Variants in SRGN observed in about 807,000 individuals in gnomAD.
The protein encoded by SRGN is hematopoetic proteoglycan core peptide.
SRGN carries 2 observed loss-of-function variants against 9.5 expected under a neutral mutation model. The observed-to-expected ratio is 0.21, with a 90% CI of 0.09 to 0.66. The LOEUF (loss-of-function observed/expected upper bound fraction) is 0.66. Among genes scored for constraint, SRGN ranks in the 30% least tolerant of loss-of-function variants. The pLI, the probability that SRGN is intolerant of heterozygous loss-of-function variation, is 0.83. For missense variants in SRGN, 170 were observed against 192.4 expected (o/e 0.88, Z 0.69); for synonymous variants, 59 against 72.3 (o/e 0.82, Z 0.93).
chr10:69,095,388 T>G (rs1032988598), intron 1 of SRGN, among the ~76,000 whole-genome samples: 2 of 152,086 alleles, frequency 1.3e-5, no homozygotes, highest in African/African-American at 2.4e-5. Context: ...TATCTGAATG[T>G]TTTCCATTAT....
chr10:69,088,560 A>C (rs2132150614), intron 1 of SRGN, among the ~76,000 whole-genome samples: 1 of 152,316 alleles, frequency 6.6e-6, no homozygotes, highest in East Asian at 1.9e-4. Context: ...TGCATGGAGG[A>C]GATGGCACCT....
At chr10:69,097,006 A>C in intron 1 of SRGN, 78 bp from the exon 2 acceptor site, 1 of 1,489,010 alleles carries the variant, frequency 6.7e-7, no homozygotes, top group Non-Finnish European at 9.0e-7. Context: ...AAAAAAAATA[A>C]AAATAAAAAC....
chr10:69,090,049 A>G lies in SRGN; in HGVS notation c.79+1813A>G, dbSNP rs1262324793. Among the ~76,000 whole-genome samples, 3 of 152,326 alleles carry G rather than the reference A, an allele frequency of 2.0e-5. 1 individual carries two copies. Among genetic ancestry groups the G allele is most frequent in the Middle Eastern group, 6.8e-3 (2 of 294 alleles). On this transcript the variant is annotated intron_variant, in intron 1 of 2. Coordinates refer to ENST00000242465, the MANE Select transcript of SRGN (RefSeq NM_002727.4). ...GAAAAGGAAACCATAGAAAGAGACA[A>G]GGGAGAAACTGACAAACTAGGGTGT...
intron 1 of SRGN, among the ~76,000 whole-genome samples, chr10:69,093,735 C>A (rs1477003874): frequency 6.6e-6 from 1 of 152,068 alleles, no homozygotes; most frequent in Non-Finnish European, 1.5e-5. Context: ...GGCATGGTGG[C>A]ACGTGCCTGT....
At chr10:69,090,432 AT>A (rs1379401203) in intron 1 of SRGN, among the ~76,000 whole-genome samples, 1 of 152,134 alleles carries the variant, frequency 6.6e-6, no homozygotes, top group Admixed American at 6.6e-5. Flanking sequence ...ACAGAAATGT[AT>A]TTCCTCACAG....
In SRGN at chr10:69,103,957, G is replaced by C. The variant is rs1840343259; in HGVS notation, c.314G>C (p.Gly105Ala). ...GSGFGSGSGSGSGSGSGFLTE... is the reference protein window; with the variant it reads ...GSGFGSGSGSASGSGSGFLTE... ...GGCTTCGGCTCCGGCTCCGGCTCTG[G>C]ATCAGGATCTGGGAGTGGCTTCCTA... The change falls in exon 3 of 3, where the codon GGA becomes GCA. Residue 105 changes from glycine to alanine, a missense_variant. Coordinates refer to ENST00000242465, the MANE Select transcript of SRGN (RefSeq NM_002727.4). The C allele has an allele frequency of 6.2e-7, 1 of 1,614,182 alleles. No homozygotes were observed. Among genetic ancestry groups the C allele is most frequent in the African/African-American group, 1.3e-5 (1 of 75,034 alleles).
intron 1 of SRGN, among the ~76,000 whole-genome samples, chr10:69,092,319 T>C (rs1324911563): frequency 6.6e-6 from 1 of 152,266 alleles, no homozygotes; most frequent in African/African-American, 2.4e-5. Context: ...AATAGCTATG[T>C]CAAGAATTTA....
rs143253159 is a variant in SRGN, at chr10:69,104,021, T to A, written c.378T>A (p.Ser126Arg). ...AGGATTACCAACTAGTAGACGAAAG[T>A]GATGCTTTCCATGACAACCTTAGGT... ...MEQDYQLVDE[S>R]DAFHDNLRSL... Residue 126 changes from serine to arginine, a missense_variant, in exon 3 of 3, where the codon AGT (serine) becomes AGA (arginine). Physicochemically the swap from Ser to Arg is moderately radical, Grantham distance 110. Coordinates refer to ENST00000242465, the MANE Select transcript of SRGN (RefSeq NM_002727.4). 1 of 1,614,056 alleles carries A rather than the reference T, an allele frequency of 6.2e-7. No individual in the cohort carries two copies. Among genetic ancestry groups the A allele is most frequent in the Non-Finnish European group, 8.5e-7 (1 of 1,180,034 alleles).
intron 1 of SRGN, among the ~76,000 whole-genome samples, chr10:69,088,875 G>A (rs1367872727): frequency 1.3e-5 from 2 of 152,068 alleles, no homozygotes; most frequent in Non-Finnish European, 2.9e-5. Context: ...ATCTTCCTAG[G>A]TTTATCTACC....
At chr10:69,100,989 T>C (rs55827234) in intron 2 of SRGN, among the ~76,000 whole-genome samples, 65,147 of 142,968 alleles carry the variant, frequency 0.46, 16,170 homozygotes, top group Middle Eastern at 0.68. Flanking sequence ...TTCTTTCTTT[T>C]TTTTTTTTTT....
At position 69,097,316 on chromosome 10, in the gene SRGN, A is replaced by C; in HGVS notation, c.227+85A>C. Reference sequence around the variant, plus strand: ...ACTTTTCTTGCCCAGGCTGGAGTGCAATGGCGCAATCTTAGCTCACTGCAA... The same window carrying C: ...ACTTTTCTTGCCCAGGCTGGAGTGCCATGGCGCAATCTTAGCTCACTGCAA... On this transcript the variant is annotated intron_variant, in intron 2 of 2. Coordinates refer to ENST00000242465, the MANE Select transcript of SRGN (RefSeq NM_002727.4). 2 of 1,183,448 alleles carry C rather than the reference A, an allele frequency of 1.7e-6. 1 individual carries two copies. Among genetic ancestry groups the C allele is most frequent in the South Asian group, 2.8e-5 (2 of 70,260 alleles). 73.3% of individuals were successfully genotyped at this position (1,183,448 alleles called of 1,614,324 possible). A position where few individuals can be genotyped will look rare whatever the true frequency, so the allele number is the denominator to read the frequency against.
At position 69,095,495 on chromosome 10, in the gene SRGN, A is replaced by G. The variant is rs1392346386; in HGVS notation, c.80-1589A>G. ...TTATTAGTTGCACTCATTAGAATAAAGTATATGCTTGGAGTGGGGAGGAGA... is the reference window on the plus strand; with the variant it reads ...TTATTAGTTGCACTCATTAGAATAAGGTATATGCTTGGAGTGGGGAGGAGA... On this transcript the variant is annotated intron_variant, in intron 1 of 2. Transcript: ENST00000242465. 3.9e-5 allele frequency among the ~76,000 whole-genome samples: 6 copies of G among 152,136 alleles called. No homozygotes were observed. In the South Asian group the frequency reaches 1.2e-3, roughly 32 times the overall value.
chr10:69,094,255 G>A (rs1436546453), intron 1 of SRGN, among the ~76,000 whole-genome samples: 3 of 152,126 alleles, frequency 2.0e-5, no homozygotes, highest in Non-Finnish European at 4.4e-5. Context: ...TGGACAAACA[G>A]CTCTCCCAGA....
At chr10:69,089,722 C>T (rs1010797999) in intron 1 of SRGN, among the ~76,000 whole-genome samples, 4 of 151,694 alleles carry the variant, frequency 2.6e-5, no homozygotes, top group East Asian at 3.9e-4. Context: ...AGTGAAATCC[C>T]GTCTCTACCA....
At position 69,088,662 on chromosome 10, in the gene SRGN, T is replaced by C. The variant is rs564344836; in HGVS notation, c.79+426T>C. ...GACGGTGTCATTGTTATTTTAACACTGGGAGACGTTATATTCCAATTGGGG... is the reference window on the plus strand; with the variant it reads ...GACGGTGTCATTGTTATTTTAACACCGGGAGACGTTATATTCCAATTGGGG... On this transcript the variant is annotated intron_variant, in intron 1 of 2. Coordinates refer to ENST00000242465, the MANE Select transcript of SRGN (RefSeq NM_002727.4). Among the ~76,000 whole-genome samples, 11 of 152,114 alleles carry C rather than the reference T, an allele frequency of 7.2e-5. No homozygotes were observed. The South Asian group carries it at 2.3e-3, about 32-fold the overall frequency.
intron 2 of SRGN, among the ~76,000 whole-genome samples, chr10:69,102,330 T>C (rs1024591415): frequency 3.9e-5 from 6 of 152,170 alleles, no homozygotes; most frequent in Admixed American, 6.5e-5. Context: ...CCTATTACAT[T>C]GGTCAATTTC....
chr10:69,093,108 A>G (rs1024000606), intron 1 of SRGN, among the ~76,000 whole-genome samples: 2 of 152,186 alleles, frequency 1.3e-5, no homozygotes, highest in Admixed American at 6.5e-5. Flanking sequence ...TACTCAGTGC[A>G]TCAGCGGCTT....
At chr10:69,098,602 C>T (rs527690318) in intron 2 of SRGN, 2 of 151,572 alleles carry the variant, frequency 1.3e-5, no homozygotes, top group South Asian at 4.2e-4. Flanking sequence ...CATAGTGAGA[C>T]CCTATCTCTA....
chr10:69,099,307 TTG>T (rs1165734165), intron 2 of SRGN, among the ~76,000 whole-genome samples: 2 of 108,410 alleles, frequency 1.8e-5, no homozygotes, highest in African/African-American at 2.8e-5. Flanking sequence ...ACTTTCTCTT[TTG>T]TTTTTTTTTT....
Sources: allele counts gnomAD v4.1 joint callset (sites outside exome capture counted in the v4.1 genomes callset), GRCh38; gene constraint gnomAD v4.1.1; transcripts MANE v1.5; gene names NCBI Gene and HGNC (gene_info 2026-07-23, HGNC 2026-07-21).